SAXO2: variants seen among roughly 807,000 people sequenced by gnomAD.
The protein encoded by SAXO2 is family with sequence similarity 154, member B.
A neutral mutation model predicts 18.7 loss-of-function variants in SAXO2; 17 were observed. The ratio of observed to expected loss-of-function variants is 0.91; its 90% CI spans 0.62 to 1.36. The LOEUF (loss-of-function observed/expected upper bound fraction) is 1.36. SAXO2 is among the 40% of genes most tolerant of loss of function. SAXO2 has a pLI of 0.00. For synonymous variants in SAXO2, 163 were observed against 181.2 expected, an observed-to-expected ratio of 0.90 and a Z score of 0.81; for missense variants, 486 against 562.6, an observed-to-expected ratio of 0.86 and a Z score of 1.38.
rs2075382276 is a variant in SAXO2, at chr15:82,283,064, A to G, written c.*2A>G. On this transcript the variant is annotated 3_prime_UTR_variant, in exon 4 of 4. Transcript: ENST00000682753. Reference sequence around the variant, plus strand: ...ATTCCTGCAGTGAAGGCCTTCTAATAACCAAAATGTGCTTAAAAGGAAGGT... The same window carrying G: ...ATTCCTGCAGTGAAGGCCTTCTAATGACCAAAATGTGCTTAAAAGGAAGGT... 1 of 1,584,174 alleles carries G rather than the reference A, an allele frequency of 6.3e-7. No homozygotes were observed. The highest frequency in any genetic ancestry group is 2.3e-5 in the East Asian group (1 of 44,418).
At chr15:82,281,320 A>T (rs2075360056) in intron 3 of SAXO2, among the ~76,000 whole-genome samples, 1 of 152,160 alleles carries the variant, frequency 6.6e-6, no homozygotes, top group African/African-American at 2.4e-5. Flanking sequence ...AGTGACCCAA[A>T]ATGCTCCACA....
rs1374340982 is a variant in SAXO2, at chr15:82,283,236, A to C, written c.*174A>C. ...AGAATCTTAAAACCATTTTTTATTG[A>C]TATTTTAATCAAGATTGTTCTTTAA... On this transcript the variant is annotated 3_prime_UTR_variant, in exon 4 of 4. Coordinates refer to ENST00000682753, the MANE Select transcript of SAXO2 (RefSeq NM_001348699.2). The C allele has an allele frequency of 2.3e-6, 1 of 430,252 alleles. No individual in the cohort carries two copies. Among genetic ancestry groups the C allele is most frequent in the African/African-American group, 2.1e-5 (1 of 48,534 alleles). The allele number at this position is 430,252 out of a possible 1,614,324, so 26.7% of individuals were successfully genotyped here. A position where few individuals can be genotyped will look rare whatever the true frequency, so the allele number is the denominator to read the frequency against.
intron 3 of SAXO2, among the ~76,000 whole-genome samples, chr15:82,277,422 C>A (rs1159953095): frequency 6.6e-6 from 1 of 151,884 alleles, no homozygotes; most frequent in African/African-American, 2.4e-5. Context: ...TTGAAAAATA[C>A]AATTTACCAA....
At chr15:82,272,102 C>T (rs751093155) in intron 3 of SAXO2, 3 of 303,460 alleles carry the variant, frequency 9.9e-6, no homozygotes, top group Non-Finnish European at 1.8e-5. Flanking sequence ...ACATTTGTCA[C>T]TTTGTGTCAC....
At chr15:82,271,951 T>A (rs1022721551) in intron 3 of SAXO2, 149 bp downstream of exon 3, 11 of 653,726 alleles carry the variant, frequency 1.7e-5, no homozygotes, top group Non-Finnish European at 2.6e-5. Context: ...CAAAATAGTA[T>A]TGTATAGTAA....
chr15:82,281,540 A>T (rs1255533085), intron 3 of SAXO2, among the ~76,000 whole-genome samples: 1 of 152,116 alleles, frequency 6.6e-6, no homozygotes, highest in Non-Finnish European at 1.5e-5. Flanking sequence ...TTTCTGGGAT[A>T]GCACAAGTTA....
intron 2 of SAXO2, among the ~76,000 whole-genome samples, chr15:82,270,076 C>T (rs2075256569): frequency 6.6e-6 from 1 of 152,152 alleles, no homozygotes; most frequent in Non-Finnish European, 1.5e-5. Context: ...ATCCAAGAGA[C>T]CATCATAGAT....
intron 2 of SAXO2, among the ~76,000 whole-genome samples, chr15:82,270,088 C>T (rs529730543): frequency 6.6e-6 from 1 of 152,146 alleles, no homozygotes; most frequent in African/African-American, 2.4e-5. Context: ...ATCATAGATA[C>T]TGGTATGAAG....
chr15:82,283,066 C>A lies in SAXO2; in HGVS notation c.*4C>A. The A allele has an allele frequency of 6.3e-7, 1 of 1,578,174 alleles. No individual in the cohort carries two copies. On this transcript the variant is annotated 3_prime_UTR_variant, in exon 4 of 4. Transcript: ENST00000682753. Reference sequence around the variant, plus strand: ...TCCTGCAGTGAAGGCCTTCTAATAACCAAAATGTGCTTAAAAGGAAGGTAC... The same window carrying A: ...TCCTGCAGTGAAGGCCTTCTAATAAACAAAATGTGCTTAAAAGGAAGGTAC...
Position 82,282,108 on chromosome 15 carries a change from T to C in SAXO2, c.434-11T>C, listed in dbSNP as rs1447596661. 2 of 1,562,086 alleles carry C rather than the reference T, an allele frequency of 1.3e-6. No homozygotes were observed. Among genetic ancestry groups the C allele is most frequent in the African/African-American group, 2.8e-5 (2 of 72,312 alleles). On this transcript the variant is annotated splice_polypyrimidine_tract_variant and intron_variant, in intron 3 of 3. Transcript: ENST00000682753. ...ATTTAAAAATGTTTTTGCTTTGTTT[T>C]AATTTTCAAGACGATTATAGAGCTT...
At chr15:82,278,677 A>T (rs935390622) in intron 3 of SAXO2, among the ~76,000 whole-genome samples, 2 of 152,220 alleles carry the variant, frequency 1.3e-5, no homozygotes, top group African/African-American at 4.8e-5. Context: ...ACCTTAACAA[A>T]TATAAAAGAC....
rs144948878 is a variant in SAXO2, at chr15:82,282,759, A to T, written c.1074A>T (p.Gly358=). 27 of 1,614,086 alleles carry T rather than the reference A, an allele frequency of 1.7e-5. No individual in the cohort carries two copies. The highest frequency in any genetic ancestry group is 5.0e-5 in the Admixed American group (3 of 60,002). ...DFPAWESCRQ[G]LIKKQQQIPN... ...CAGCATGGGAAAGTTGTCGTCAAGG[A>T]CTTATTAAGAAGCAGCAGCAGATTC... is the stretch of plus-strand genomic sequence containing the variant. Residue 358 remains glycine, a synonymous_variant, in exon 4 of 4, where the codon GGA becomes GGT. Coordinates refer to ENST00000682753, the MANE Select transcript of SAXO2 (RefSeq NM_001348699.2).
chr15:82,269,455 C>A lies in SAXO2; in HGVS notation c.234-2148C>A, dbSNP rs150062793. 6.9e-3 allele frequency among the ~76,000 whole-genome samples: 1,046 copies of A among 152,234 alleles called. 12 individuals carry two copies. Among genetic ancestry groups the A allele is most frequent in the African/African-American group, 0.024 (1,002 of 41,532 alleles). ...AGAAAGCCAGGTGGAGCAGAGAAAG[C>A]AAGAGGAAACAACGGTGAGAGTTGA... is the stretch of plus-strand genomic sequence containing the variant. On this transcript the variant is annotated intron_variant, in intron 2 of 3. Coordinates refer to ENST00000682753, the MANE Select transcript of SAXO2 (RefSeq NM_001348699.2).
chr15:82,264,462 G>A (rs2075191375), intron 1 of SAXO2, among the ~76,000 whole-genome samples: 1 of 151,316 alleles, frequency 6.6e-6, no homozygotes, highest in African/African-American at 2.4e-5. Context: ...AACTTCCAAT[G>A]ATCATGCATA....
rs147543747 is a variant in SAXO2 at position 82,282,807 on chromosome 15, T to A, written c.1122T>A (p.Asp374Glu). ...TTCCCAACCCATCTGGAAAATTTGA[T>A]GGTTTGAGCACTTTCAGATCTCACT... is the stretch of plus-strand genomic sequence containing the variant. ...QQIPNPSGKF[D>E]GLSTFRSHYV... Residue 374 changes from aspartate to glutamate, a missense_variant, in exon 4 of 4, where the codon GAT becomes GAA. By Grantham distance (45) the Asp-to-Glu change is conservative. Coordinates refer to ENST00000682753, the MANE Select transcript of SAXO2 (RefSeq NM_001348699.2). 6.2e-7 allele frequency: 1 copy of A among 1,614,038 alleles called. No individual in the cohort carries two copies. The highest frequency in any genetic ancestry group is 8.5e-7 in the Non-Finnish European group (1 of 1,179,968).
Position 82,262,841 on chromosome 15 carries a change from T to A in SAXO2, c.-39T>A. ...TTGACTACGGCGGGCGCTGTGGGAG[T>A]GGAGAAGCTGCAAGTGCTGAGGCGC... On this transcript the variant is annotated 5_prime_UTR_variant, in exon 1 of 4. Transcript: ENST00000682753. 2 of 1,550,558 alleles carry A rather than the reference T, an allele frequency of 1.3e-6. No individual in the cohort carries two copies. The highest frequency in any genetic ancestry group is 1.2e-5 in the South Asian group (1 of 83,768).
chr15:82,264,599 G>A, intron 1 of SAXO2: 1 of 701,282 alleles, frequency 1.4e-6, no homozygotes, highest in Admixed American at 2.0e-5. Flanking sequence ...TTATTAAGGA[G>A]TATATATATA....
chr15:82,272,500 T>C (rs1173425347), intron 3 of SAXO2, among the ~76,000 whole-genome samples: 1 of 152,196 alleles, frequency 6.6e-6, no homozygotes, highest in Non-Finnish European at 1.5e-5. Context: ...TTGGGCCATG[T>C]ATGCTTTTCT....
rs752926822 is a variant in SAXO2, at chr15:82,262,849, C to G, written c.-31C>G. 1 of 1,565,630 alleles carries G rather than the reference C, an allele frequency of 6.4e-7. No individual in the cohort carries two copies. The highest frequency in any genetic ancestry group is 1.2e-5 in the South Asian group (1 of 85,236). ...GGCGGGCGCTGTGGGAGTGGAGAAG[C>G]TGCAAGTGCTGAGGCGCGGTGGAGG... On this transcript the variant is annotated 5_prime_UTR_variant, in exon 1 of 4. Coordinates refer to ENST00000682753, the MANE Select transcript of SAXO2 (RefSeq NM_001348699.2).
Sources: allele counts gnomAD v4.1 joint callset (sites outside exome capture counted in the v4.1 genomes callset), GRCh38; gene constraint gnomAD v4.1.1; transcripts MANE v1.5; gene names NCBI Gene and HGNC (gene_info 2026-07-23, HGNC 2026-07-21).